KANK1: variants seen among roughly 807,000 people sequenced by gnomAD.
KANK1 encodes the protein KN motif and ankyrin repeat domain-containing protein 1.
KANK1 carries 109 observed loss-of-function variants against 106.2 expected under a neutral mutation model. The ratio of observed to expected loss-of-function variants is 1.03; its 90% CI spans 0.88 to 1.20. KANK1 has a LOEUF of 1.20. Ranked by LOEUF, KANK1 falls within the 50% of genes most tolerant of loss-of-function variation. KANK1 has a pLI of 0.00. For missense variants in KANK1, 2,399 were observed against 1,710.7 expected (o/e 1.40, Z -7.10); for synonymous variants, 873 against 652.2 (o/e 1.34, Z -5.16).
At chr9:651,633 T>C (rs1840901718) in intron 1 of KANK1, among the ~76,000 whole-genome samples, 1 of 152,222 alleles carries the variant, frequency 6.6e-6, no homozygotes, top group African/African-American at 2.4e-5. Flanking sequence ...TCTTCAGTCT[T>C]AGGACAGAAG....
intron 2 of KANK1, chr9:707,265 G>A (rs1207468804): frequency 2.4e-5 from 24 of 980,792 alleles, no homozygotes; most frequent in Non-Finnish European, 6.1e-6. Flanking sequence ...AGCTGCGAGC[G>A]GCGTGGGGCG....
chr9:707,436 C>G (rs1400278166), intron 2 of KANK1, among the ~76,000 whole-genome samples: 1 of 152,274 alleles, frequency 6.6e-6, no homozygotes, highest in Non-Finnish European at 1.5e-5. Flanking sequence ...GCCTGCCTGA[C>G]AGCCAAGCTG....
chr9:735,641 A>G, intron 7 of KANK1: 1 of 298,510 alleles, frequency 3.3e-6, no homozygotes. Context: ...GTATTTGCAT[A>G]TAAACTATGC....
intron 3 of KANK1, among the ~76,000 whole-genome samples, chr9:498,228 C>G (rs2058488067): frequency 6.6e-6 from 1 of 152,166 alleles, no homozygotes; most frequent in East Asian, 1.9e-4. Flanking sequence ...GCACACAATT[C>G]CAAGTATTTA....
intron 3 of KANK1, among the ~76,000 whole-genome samples, chr9:728,425 T>C (rs1252732087): frequency 6.6e-6 from 1 of 152,158 alleles, no homozygotes; most frequent in Non-Finnish European, 1.5e-5. Flanking sequence ...CTCGGACTCT[T>C]GACCTCAGGT....
At position 661,851 on chromosome 9, in the gene KANK1, T is replaced by G. The variant is rs13290765; in HGVS notation, c.-83-15039T>G. 3.0e-4 allele frequency among the ~76,000 whole-genome samples: 46 copies of G among 151,328 alleles called. 1 individual carries two copies. In the East Asian group the frequency reaches 8.3e-3, roughly 27 times the overall value. ...GTGAGATGGTATCTCATTGTGGTTT[T>G]GATTTGCATTTCTCTGATGGCCAGT... is the stretch of plus-strand genomic sequence containing the variant. On this transcript the variant is annotated intron_variant, in intron 1 of 11. Coordinates refer to ENST00000382297, the MANE Select transcript of KANK1 (RefSeq NM_015158.5).
intron 3 of KANK1, among the ~76,000 whole-genome samples, chr9:484,855 T>G (rs908503920): frequency 1.4e-4 from 22 of 151,848 alleles, no homozygotes; most frequent in African/African-American, 4.9e-4. Context: ...TCTCAGTGTT[T>G]CCAAGAATAA....
intron 2 of KANK1, among the ~76,000 whole-genome samples, chr9:679,865 A>G (rs1817175397): frequency 6.6e-6 from 1 of 152,200 alleles, no homozygotes; most frequent in Admixed American, 6.5e-5. Context: ...GTTAATAAAA[A>G]TCATTCCTTT....
At chr9:542,454 T>C (rs928638261) in intron 1 of KANK1, among the ~76,000 whole-genome samples, 13 of 152,246 alleles carry the variant, frequency 8.5e-5, no homozygotes. Flanking sequence ...TCTTAGACTG[T>C]TGATGAGAAT....
chr9:479,153 T>A (rs1190185257), intron 3 of KANK1, among the ~76,000 whole-genome samples: 2 of 152,238 alleles, frequency 1.3e-5, no homozygotes. Flanking sequence ...CACAATTTTA[T>A]ATCGTGCTCT....
intron 1 of KANK1, among the ~76,000 whole-genome samples, chr9:642,294 G>C (rs1838650440): frequency 6.6e-6 from 1 of 150,842 alleles, no homozygotes; most frequent in Non-Finnish European, 1.5e-5. Context: ...TACCCCATTT[G>C]TGTTTTACAA....
chr9:611,280 A>G (rs996986637), intron 1 of KANK1, among the ~76,000 whole-genome samples: 10 of 152,228 alleles, frequency 6.6e-5, no homozygotes, highest in African/African-American at 1.9e-4. Flanking sequence ...GACAATTGTC[A>G]CTGAACCAAG....
At chr9:670,041 C>CAAAT (rs1245781543) in intron 1 of KANK1, among the ~76,000 whole-genome samples, 2 of 152,092 alleles carry the variant, frequency 1.3e-5, no homozygotes, top group African/African-American at 4.8e-5. Flanking sequence ...TTTCAGTTAG[C>CAAAT]AAATATATTT....
At chr9:642,239 A>C (rs1838633556) in intron 1 of KANK1, among the ~76,000 whole-genome samples, 1 of 143,514 alleles carries the variant, frequency 7.0e-6, no homozygotes, top group Non-Finnish European at 1.5e-5. Context: ...AAAAGCATGA[A>C]AGGTCGTAGA....
chr9:743,475 A>T (rs760836616), intron 10 of KANK1, among the ~76,000 whole-genome samples: 1 of 152,118 alleles, frequency 6.6e-6, no homozygotes, highest in African/African-American at 2.4e-5. Flanking sequence ...TTTTACTTCT[A>T]TTATCTTTCA....
At chr9:507,848 G>A (rs1036461352) in intron 1 of KANK1, among the ~76,000 whole-genome samples, 1 of 152,002 alleles carries the variant, frequency 6.6e-6, no homozygotes, top group Non-Finnish European at 1.5e-5. Context: ...GAGCCACCAT[G>A]CCAGTTTTTG....
At chr9:688,092 A>G (rs1818973463) in intron 2 of KANK1, among the ~76,000 whole-genome samples, 1 of 152,190 alleles carries the variant, frequency 6.6e-6, no homozygotes, top group Admixed American at 6.5e-5. Flanking sequence ...GCCAGTTGCC[A>G]ATCTGATGTG....
chr9:571,721 T>C (rs1383211091), intron 1 of KANK1, among the ~76,000 whole-genome samples: 1 of 152,232 alleles, frequency 6.6e-6, no homozygotes, highest in Non-Finnish European at 1.5e-5. Context: ...AGTTGGACTA[T>C]AGAGTCTCAG....
intron 6 of KANK1, chr9:732,878 A>C: frequency 9.9e-6 from 3 of 304,450 alleles, no homozygotes; most frequent in Admixed American, 4.6e-5. Flanking sequence ...TGGAACCACA[A>C]TCCACTAAAA....
Sources: gnomAD v4.1 joint callset for allele counts (sites outside exome capture counted in the v4.1 genomes callset) on GRCh38, gnomAD v4.1.1 for gene constraint, MANE v1.5 for transcripts, NCBI Gene and HGNC (gene_info 2026-07-23, HGNC 2026-07-21) for gene names.